Variants in NBAS observed in about 807,000 individuals in gnomAD.
NBAS encodes the protein NBAS subunit of NRZ tethering complex.
A neutral mutation model predicts 302.5 loss-of-function variants in NBAS; 219 were observed. The ratio of observed to expected loss-of-function variants is 0.72; its 90% CI spans 0.65 to 0.81. The LOEUF (loss-of-function observed/expected upper bound fraction) is 0.81. Among genes scored for constraint, NBAS ranks in the 30% least tolerant of loss-of-function variants. NBAS has a pLI of 0.00. For synonymous variants in NBAS, 1,118 were observed against 1,021.6 expected (o/e 1.09, Z -1.80); for missense variants, 2,932 against 2,841.6 (o/e 1.03, Z -0.72).
chr2:14,785,226 C>T, the NBAS span, among the ~76,000 whole-genome samples: 22 of 152,250 alleles, frequency 1.4e-4, no homozygotes, highest in East Asian at 7.7e-4. Context: ...TGGGCTGAGA[C>T]GATGGGTTTT....
chr2:15,203,220 A>G (rs1472173534), intron 48 of NBAS, among the ~76,000 whole-genome samples: 1 of 152,218 alleles, frequency 6.6e-6, no homozygotes, highest in Non-Finnish European at 1.5e-5. Context: ...TGGATAGTTC[A>G]TAGTTATATA....
At chr2:15,276,792 A>T in intron 43 of NBAS, 59 bp downstream of exon 43, 1 of 1,612,784 alleles carries the variant, frequency 6.2e-7, no homozygotes, top group Non-Finnish European at 8.5e-7. Flanking sequence ...GTGTACAGAA[A>T]ATTAATCCCC....
chr2:14,920,363 CA>C, the NBAS span, among the ~76,000 whole-genome samples: 1 of 152,280 alleles, frequency 6.6e-6, no homozygotes, highest in East Asian at 1.9e-4. Context: ...AGAGCATAGG[CA>C]GAGTAGATTT....
chr2:15,335,940 T>C (rs1672561651), intron 35 of NBAS, among the ~76,000 whole-genome samples: 1 of 151,896 alleles, frequency 6.6e-6, no homozygotes, highest in South Asian at 2.1e-4. Context: ...AAATAAAAAA[T>C]AAAAAATTAC....
the NBAS span, among the ~76,000 whole-genome samples, chr2:15,050,950 G>C: frequency 2.0e-5 from 3 of 152,128 alleles, no homozygotes; most frequent in African/African-American, 7.2e-5. Flanking sequence ...GCCCAGCCCT[G>C]GTTTTCCTCC....
At chr2:15,508,641 A>ATGTG (rs10629902) in intron 10 of NBAS, among the ~76,000 whole-genome samples, 89,240 of 151,574 alleles carry the variant, frequency 0.59, 26,869 homozygotes, top group Middle Eastern at 0.63. Context: ...CTTTATCTCT[A>ATGTG]TGTGTGTGTC....
chr2:15,426,070 C>G lies in NBAS; in HGVS notation c.2424-1602G>C, dbSNP rs115577367. Among the ~76,000 whole-genome samples, 775 of 152,290 alleles carry G rather than the reference C, an allele frequency of 5.1e-3. 10 individuals carry two copies. The highest frequency in any genetic ancestry group is 0.017 in the African/African-American group (717 of 41,566). ...CTCTTCAACTCTACACTATCAATTA[C>G]CATAGACATTACAACAGCAACAGTA... On this transcript the variant is annotated intron_variant, in intron 22 of 51. Coordinates refer to ENST00000281513, the MANE Select transcript of NBAS (RefSeq NM_015909.4).
At chr2:14,952,010 A>G in the NBAS span, among the ~76,000 whole-genome samples, 1 of 152,066 alleles carries the variant, frequency 6.6e-6, no homozygotes, top group Non-Finnish European at 1.5e-5. Flanking sequence ...CTGATTAAAT[A>G]TTTTCACTCT....
intron 48 of NBAS, among the ~76,000 whole-genome samples, chr2:15,214,117 A>C (rs1572460896): frequency 6.6e-6 from 1 of 152,242 alleles, no homozygotes; most frequent in East Asian, 1.9e-4. Flanking sequence ...ATCCTTCATC[A>C]TTAATGGCAA....
chr2:15,004,125 C>A, the NBAS span, among the ~76,000 whole-genome samples: 1 of 152,176 alleles, frequency 6.6e-6, no homozygotes, highest in Non-Finnish European at 1.5e-5. Flanking sequence ...AAATTGGATT[C>A]CTGGCCTCTG....
the NBAS span, among the ~76,000 whole-genome samples, chr2:14,851,665 G>T: frequency 2.8e-5 from 3 of 105,898 alleles, no homozygotes; most frequent in African/African-American, 6.8e-5. Flanking sequence ...GATGAACATT[G>T]ATGCAAAAAT....
chr2:15,418,942 CTAAG>C (rs935883075), intron 23 of NBAS, among the ~76,000 whole-genome samples: 57 of 152,074 alleles, frequency 3.7e-4, no homozygotes, highest in Admixed American at 6.6e-5. Flanking sequence ...GGAAGGAATA[CTAAG>C]TATTTACTGA....
chr2:15,118,483 G>C, the NBAS span, among the ~76,000 whole-genome samples: 1 of 152,128 alleles, frequency 6.6e-6, no homozygotes, highest in Non-Finnish European at 1.5e-5. Flanking sequence ...TTGTATCTGA[G>C]CTGCCCTGTG....
chr2:15,002,887 G>A, the NBAS span, among the ~76,000 whole-genome samples: 8 of 152,224 alleles, frequency 5.3e-5, no homozygotes, highest in Admixed American at 4.6e-4. Context: ...CAAGCGCCAC[G>A]CGCAGCCCCT....
At chr2:15,270,499 A>AT (rs915465866) in intron 44 of NBAS, among the ~76,000 whole-genome samples, 1 of 152,226 alleles carries the variant, frequency 6.6e-6, no homozygotes, top group Non-Finnish European at 1.5e-5. Flanking sequence ...ATTATTAGAT[A>AT]TAACCTTCAT....
the NBAS span, among the ~76,000 whole-genome samples, chr2:14,788,766 C>T: frequency 6.6e-6 from 1 of 152,160 alleles, no homozygotes; most frequent in Non-Finnish European, 1.5e-5. Flanking sequence ...AGTTAGGCTG[C>T]TCGGGGGTCA....
chr2:15,217,393 T>C (rs894469960), intron 48 of NBAS, among the ~76,000 whole-genome samples: 2 of 152,232 alleles, frequency 1.3e-5, no homozygotes, highest in African/African-American at 4.8e-5. Context: ...AATAAGACTG[T>C]ATCTGATAAT....
intron 48 of NBAS, among the ~76,000 whole-genome samples, chr2:15,213,709 T>A (rs1364304751): frequency 6.6e-6 from 1 of 152,190 alleles, no homozygotes; most frequent in Non-Finnish European, 1.5e-5. Context: ...AAGATTAGCG[T>A]GCACATAGTA....
At chr2:15,148,330 GT>G in the NBAS span, among the ~76,000 whole-genome samples, 47 of 152,306 alleles carry the variant, frequency 3.1e-4, no homozygotes, top group Admixed American at 3.1e-3. Context: ...GAGAAAGAGA[GT>G]TATCAGTGGT....
Sources: allele counts gnomAD v4.1 joint callset (sites outside exome capture counted in the v4.1 genomes callset), GRCh38; gene constraint gnomAD v4.1.1; transcripts MANE v1.5; gene names NCBI Gene and HGNC (gene_info 2026-07-23, HGNC 2026-07-21).